The following NKAIN2 variants were observed in gnomAD, a reference collection of about 807,000 sequenced individuals.
NKAIN2 encodes sodium/potassium-transporting ATPase subunit beta-1-interacting protein 2.
A neutral mutation model predicts 32.6 loss-of-function variants in NKAIN2; 14 were observed. That is an observed-to-expected ratio of 0.43 (90% CI 0.28 to 0.67). The LOEUF (loss-of-function observed/expected upper bound fraction) is 0.67. Among genes scored for constraint, NKAIN2 ranks in the 30% least tolerant of loss-of-function variants. The pLI, the probability that NKAIN2 is intolerant of heterozygous loss-of-function variation, is 0.17. For synonymous variants in NKAIN2, 80 were observed against 87.2 expected (o/e 0.92, Z 0.46); for missense variants, 198 against 258.3 (o/e 0.77, Z 1.60).
At chr6:123,941,383 T>C (rs1332910400) in intron 1 of NKAIN2, among the ~76,000 whole-genome samples, 1 of 151,942 alleles carries the variant, frequency 6.6e-6, no homozygotes, top group African/African-American at 2.4e-5. Flanking sequence ...TCAAGTGTTA[T>C]ATATACTGTA....
intron 3 of NKAIN2, among the ~76,000 whole-genome samples, chr6:124,386,364 G>A (rs1258356776): frequency 6.6e-6 from 1 of 152,128 alleles, no homozygotes; most frequent in Non-Finnish European, 1.5e-5. Flanking sequence ...TAAAACCGTT[G>A]CCATGACATT....
intron 1 of NKAIN2, among the ~76,000 whole-genome samples, chr6:123,834,343 C>T (rs1311337879): frequency 4.0e-5 from 6 of 151,802 alleles, no homozygotes; most frequent in South Asian, 4.2e-4. Flanking sequence ...TTAGTAGAGA[C>T]GGGGTTTCAC....
intron 3 of NKAIN2, among the ~76,000 whole-genome samples, chr6:124,465,407 G>T (rs970684798): frequency 6.6e-6 from 1 of 151,866 alleles, no homozygotes; most frequent in African/African-American, 2.4e-5. Flanking sequence ...CCACATGTTC[G>T]CACTCATAAG....
At chr6:124,313,012 T>A (rs1796787801) in intron 2 of NKAIN2, among the ~76,000 whole-genome samples, 1 of 152,006 alleles carries the variant, frequency 6.6e-6, no homozygotes. Context: ...CCCAACATTA[T>A]AACAAAAGCC....
At chr6:124,054,424 A>C (rs541658191) in intron 1 of NKAIN2, among the ~76,000 whole-genome samples, 1 of 152,200 alleles carries the variant, frequency 6.6e-6, no homozygotes, top group East Asian at 1.9e-4. Context: ...CTAAGCAAAC[A>C]CATTTCATTT....
chr6:124,076,625 A>G (rs1783710965), intron 1 of NKAIN2, among the ~76,000 whole-genome samples: 1 of 152,246 alleles, frequency 6.6e-6, no homozygotes, highest in Non-Finnish European at 1.5e-5. Flanking sequence ...ATATAGAAAT[A>G]GCAGAGTTAT....
intron 1 of NKAIN2, among the ~76,000 whole-genome samples, chr6:124,172,127 G>A (rs747231445): frequency 6.6e-6 from 1 of 152,192 alleles, no homozygotes; most frequent in Non-Finnish European, 1.5e-5. Flanking sequence ...TTTTTTTAAT[G>A]ATAGTGAAGT....
intron 5 of NKAIN2, among the ~76,000 whole-genome samples, chr6:124,817,438 C>T (rs989917000): frequency 1.3e-5 from 2 of 152,150 alleles, no homozygotes; most frequent in Admixed American, 6.5e-5. Context: ...TACTGAAACA[C>T]TTATCCATTG....
chr6:124,362,744 A>C (rs1385101768), intron 3 of NKAIN2, among the ~76,000 whole-genome samples: 8 of 152,136 alleles, frequency 5.3e-5, no homozygotes, highest in Non-Finnish European at 1.0e-4. Flanking sequence ...AAAGAATCCA[A>C]CTTCTTTAAT....
chr6:123,818,741 G>A (rs1395822029), intron 1 of NKAIN2, among the ~76,000 whole-genome samples: 2 of 152,088 alleles, frequency 1.3e-5, no homozygotes, highest in Non-Finnish European at 2.9e-5. Context: ...ATCTTAAATT[G>A]CCTTTCTCTG....
chr6:124,308,633 C>T (rs1050942379), intron 2 of NKAIN2, among the ~76,000 whole-genome samples: 1 of 151,474 alleles, frequency 6.6e-6, no homozygotes, highest in Admixed American at 6.6e-5. Context: ...ATTATTTAAT[C>T]TCGGCACTTT....
intron 1 of NKAIN2, among the ~76,000 whole-genome samples, chr6:124,238,808 C>T (rs1792919831): frequency 6.6e-6 from 1 of 152,184 alleles, no homozygotes; most frequent in African/African-American, 2.4e-5. Context: ...AAACTGGGAC[C>T]AGCCACTGCA....
rs143232242 is a variant in NKAIN2 at position 124,137,823 on chromosome 6, T to C, written c.55-145182T>C. 2.0e-5 allele frequency among the ~76,000 whole-genome samples: 3 copies of C among 152,246 alleles called. No individual in the cohort carries two copies. The East Asian group carries it at 5.8e-4, about 29-fold the overall frequency. On this transcript the variant is annotated intron_variant, in intron 1 of 6. Coordinates refer to ENST00000368417, the MANE Select transcript of NKAIN2 (RefSeq NM_001040214.3). ...AACTGGCAAGCCATATGTAGAAGAATGAAACTTGATCTTCATTGCTCATCT... is the reference window on the plus strand; with the variant it reads ...AACTGGCAAGCCATATGTAGAAGAACGAAACTTGATCTTCATTGCTCATCT...
intron 3 of NKAIN2, among the ~76,000 whole-genome samples, chr6:124,385,090 G>A (rs1360117431): frequency 6.6e-6 from 1 of 152,120 alleles, no homozygotes; most frequent in African/African-American, 2.4e-5. Flanking sequence ...GAAAATAGCT[G>A]CAGAAAAATA....
rs371562345 is a variant in NKAIN2, at chr6:124,386,520, T to A, written c.273+31173T>A. On this transcript the variant is annotated intron_variant, in intron 3 of 6. Coordinates refer to ENST00000368417, the MANE Select transcript of NKAIN2 (RefSeq NM_001040214.3). ...AAATGTTTGAAGAAATACTTCAGGA[T>A]CTTCATTCCACTTGTTTATAATTTC... Among the ~76,000 whole-genome samples, 108 of 152,266 alleles carry A rather than the reference T, an allele frequency of 7.1e-4. 3 individuals carry two copies. The South Asian group carries it at 0.022, about 31-fold the overall frequency.
At chr6:124,251,543 GCAGA>G (rs1209673695) in intron 1 of NKAIN2, among the ~76,000 whole-genome samples, 1 of 151,882 alleles carries the variant, frequency 6.6e-6, no homozygotes, top group African/African-American at 2.4e-5. Context: ...AAAGAAGTAA[GCAGA>G]CATTTTACAA....
At chr6:124,799,569 T>C (rs770701638) in intron 5 of NKAIN2, among the ~76,000 whole-genome samples, 2 of 152,200 alleles carry the variant, frequency 1.3e-5, no homozygotes, top group Non-Finnish European at 2.9e-5. Flanking sequence ...CCTCTGTTAA[T>C]TAAGAACAAT....
rs1453120597 is a variant in NKAIN2 at position 124,703,410 on chromosome 6, C to G, written c.474+45024C>G. On this transcript the variant is annotated intron_variant, in intron 4 of 6. Transcript: ENST00000368417. ...CTTACTTGGGCAACTTTGGAAGGTGCCTATGATGATTGTATATAGCACAAA... is the reference window on the plus strand; with the variant it reads ...CTTACTTGGGCAACTTTGGAAGGTGGCTATGATGATTGTATATAGCACAAA... Among the ~76,000 whole-genome samples, 3 of 152,028 alleles carry G rather than the reference C, an allele frequency of 2.0e-5. No homozygotes were observed. In the East Asian group the frequency reaches 5.8e-4, roughly 29 times the overall value.
intron 3 of NKAIN2, among the ~76,000 whole-genome samples, chr6:124,482,173 G>C (rs1160679607): frequency 1.3e-5 from 2 of 152,132 alleles, no homozygotes. Flanking sequence ...GATTTATAAT[G>C]AGTATGCAGG....
Sources: gnomAD v4.1 joint callset for allele counts (sites outside exome capture counted in the v4.1 genomes callset) on GRCh38, gnomAD v4.1.1 for gene constraint, MANE v1.5 for transcripts, NCBI Gene and HGNC (gene_info 2026-07-23, HGNC 2026-07-21) for gene names.